The following AGBL4 variants were observed in gnomAD, a reference collection of about 807,000 sequenced individuals.
The protein encoded by AGBL4 is AGBL carboxypeptidase 4, also known as cytosolic carboxypeptidase 6.
In AGBL4, 58 loss-of-function variants were observed where a neutral mutation model predicts 66.4. The ratio of observed to expected loss-of-function variants is 0.87; its 90% confidence interval spans 0.71 to 1.09. The LOEUF (loss-of-function observed/expected upper bound fraction) is 1.09, where lower values mean the gene tolerates loss of function less well. Among genes scored for constraint, AGBL4 ranks in the 50% least tolerant of loss-of-function variants. AGBL4 has a pLI of 0.00. For synonymous variants in AGBL4, 234 were observed against 222.9 expected (o/e 1.05, Z -0.44); for missense variants, 579 against 631.0 (o/e 0.92, Z 0.88).
At chr1:49,675,034 T>C (rs1465415906) in intron 3 of AGBL4, among the ~76,000 whole-genome samples, 1 of 152,154 alleles carries the variant, frequency 6.6e-6, no homozygotes, top group Non-Finnish European at 1.5e-5. Context: ...AATTACAAAG[T>C]ATTGACAACT....
At chr1:49,439,788 A>C (rs1038708869) in intron 3 of AGBL4, among the ~76,000 whole-genome samples, 4 of 152,176 alleles carry the variant, frequency 2.6e-5, no homozygotes, top group African/African-American at 9.7e-5. Context: ...TCAGATGCCA[A>C]GTTCTTCAGT....
chr1:49,344,019 C>G (rs926080027), intron 3 of AGBL4, among the ~76,000 whole-genome samples: 1 of 152,116 alleles, frequency 6.6e-6, no homozygotes. Flanking sequence ...GATAACTGTT[C>G]AATTTACCTA....
At chr1:48,924,664 A>C (rs11205572) in intron 5 of AGBL4, among the ~76,000 whole-genome samples, 12,394 of 152,224 alleles carry the variant, frequency 0.081, 677 homozygotes, top group East Asian at 0.16. Flanking sequence ...ATAGCTGCCC[A>C]AAAAATATCA....
At chr1:48,832,664 TG>T (rs1393768781) in intron 6 of AGBL4, among the ~76,000 whole-genome samples, 2 of 152,166 alleles carry the variant, frequency 1.3e-5, no homozygotes, top group Non-Finnish European at 2.9e-5. Flanking sequence ...ATGTTATTTC[TG>T]GGCATGCCTA....
At chr1:48,552,891 G>C (rs752651285) in intron 11 of AGBL4, among the ~76,000 whole-genome samples, 4 of 151,706 alleles carry the variant, frequency 2.6e-5, no homozygotes, top group Non-Finnish European at 5.9e-5. Flanking sequence ...CTAGTAAGAC[G>C]GTTATCTAAT....
intron 6 of AGBL4, among the ~76,000 whole-genome samples, chr1:48,778,786 T>C (rs1361838057): frequency 6.6e-6 from 1 of 152,226 alleles, no homozygotes; most frequent in African/African-American, 2.4e-5. Flanking sequence ...ATGAGGCAGA[T>C]ATTTATTTCA....
At chr1:49,062,140 C>A (rs1451795204) in intron 4 of AGBL4, among the ~76,000 whole-genome samples, 1 of 152,122 alleles carries the variant, frequency 6.6e-6, no homozygotes, top group East Asian at 1.9e-4. Context: ...ACAGATTCAC[C>A]CCAAAACCAT....
chr1:49,111,448 G>C (rs1245270215), intron 4 of AGBL4, among the ~76,000 whole-genome samples: 1 of 152,126 alleles, frequency 6.6e-6, no homozygotes, highest in Non-Finnish European at 1.5e-5. Context: ...TTTCCCACTA[G>C]AGGCTTTCAG....
chr1:48,608,124 G>T (rs1248686802), intron 9 of AGBL4, among the ~76,000 whole-genome samples: 1 of 152,148 alleles, frequency 6.6e-6, no homozygotes, highest in African/African-American at 2.4e-5. Context: ...CCAATGATTG[G>T]AACTGCCTGG....
rs530030093 is a variant in AGBL4 at position 48,756,266 on chromosome 1, G to A, written c.635-93025C>T. On this transcript the variant is annotated intron_variant, in intron 6 of 13. Transcript: ENST00000371839. ...TCATTCAGGCTTCAGCCTAAAAGTTGTTTCCTTCAGGAAGCCTTCCTTCTC... is the reference window on the plus strand; with the variant it reads ...TCATTCAGGCTTCAGCCTAAAAGTTATTTCCTTCAGGAAGCCTTCCTTCTC... 1.2e-4 allele frequency among the ~76,000 whole-genome samples: 18 copies of A among 152,350 alleles called. No homozygotes were observed. The South Asian group carries it at 3.5e-3, about 30-fold the overall frequency.
intron 4 of AGBL4, among the ~76,000 whole-genome samples, chr1:49,157,206 G>A (rs377159196): frequency 6.6e-6 from 1 of 151,904 alleles, no homozygotes; most frequent in East Asian, 1.9e-4. Context: ...TCTACATTAG[G>A]TATTTCTCCT....
chr1:48,755,690 T>A (rs1457225301), intron 6 of AGBL4, among the ~76,000 whole-genome samples: 1 of 152,138 alleles, frequency 6.6e-6, no homozygotes, highest in South Asian at 2.1e-4. Flanking sequence ...GGGGATATCT[T>A]ACCAGACTTT....
intron 4 of AGBL4, among the ~76,000 whole-genome samples, chr1:49,165,230 T>C (rs1391682856): frequency 4.6e-5 from 7 of 151,880 alleles, no homozygotes; most frequent in African/African-American, 1.7e-4. Flanking sequence ...AAGGAAGAAA[T>C]TGATATGGAT....
intron 3 of AGBL4, among the ~76,000 whole-genome samples, chr1:49,595,501 T>A (rs928319692): frequency 2.6e-5 from 4 of 152,138 alleles, no homozygotes; most frequent in African/African-American, 7.2e-5. Flanking sequence ...CACTTTTTTT[T>A]AAGAAACACC....
intron 6 of AGBL4, among the ~76,000 whole-genome samples, chr1:48,766,049 C>A (rs900744112): frequency 6.6e-6 from 1 of 152,110 alleles, no homozygotes; most frequent in Non-Finnish European, 1.5e-5. Flanking sequence ...CTTGCACACA[C>A]TTTAAAATGG....
At chr1:49,228,232 G>A (rs1431110976) in intron 4 of AGBL4, among the ~76,000 whole-genome samples, 2 of 152,140 alleles carry the variant, frequency 1.3e-5, no homozygotes, top group South Asian at 2.1e-4. Flanking sequence ...TATTTGTCAG[G>A]CACTGTTCTA....
chr1:49,111,343 A>G (rs529090073), intron 4 of AGBL4, among the ~76,000 whole-genome samples: 1 of 152,120 alleles, frequency 6.6e-6, no homozygotes, highest in Non-Finnish European at 1.5e-5. Flanking sequence ...CAATCTCCTG[A>G]CCTCCTGATC....
At chr1:49,956,979 T>C (rs1480181049) in intron 1 of AGBL4, among the ~76,000 whole-genome samples, 1 of 151,856 alleles carries the variant, frequency 6.6e-6, no homozygotes, top group Non-Finnish European at 1.5e-5. Flanking sequence ...TTATAAGAAG[T>C]AGGAGAACAA....
At chr1:48,531,689 T>G (rs879118408), downstream of AGBL4, among the ~76,000 whole-genome samples, 1 of 152,230 alleles carries the variant, frequency 6.6e-6, no homozygotes, top group Admixed American at 6.5e-5. Flanking sequence ...TTGCTTCTTT[T>G]GTCCAATGAT....
Sources: allele counts gnomAD v4.1 joint callset (sites outside exome capture counted in the v4.1 genomes callset), GRCh38; gene constraint gnomAD v4.1.1; transcripts MANE v1.5; gene names NCBI Gene and HGNC (gene_info 2026-07-23, HGNC 2026-07-21).